Variants in HSPA9 observed in about 807,000 individuals in gnomAD.
HSPA9 encodes heat shock protein family A (Hsp70) member 9.
Under a neutral mutation model 81.5 loss-of-function variants are expected in HSPA9, and 28 were observed. That is an observed-to-expected ratio of 0.34 (90% CI 0.25 to 0.47). The LOEUF (loss-of-function observed/expected upper bound fraction) is 0.47, where lower values mean the gene tolerates loss of function less well. HSPA9 is among the 20% of genes least tolerant of loss of function. The pLI is 1.00. For missense variants in HSPA9, 678 were observed against 838.0 expected, an observed-to-expected ratio of 0.81 and a Z score of 2.36; for synonymous variants, 293 against 290.4, an observed-to-expected ratio of 1.01 and a Z score of -0.09.
rs1751019122 is a variant in HSPA9 at position 138,574,003 on chromosome 5, T to A, written c.140+65A>T. The A allele has an allele frequency of 8.8e-6, 12 of 1,359,498 alleles. No homozygotes were observed. In the South Asian group the frequency reaches 9.4e-5, roughly 11 times the overall value. 84.2% of individuals were successfully genotyped at this position (1,359,498 alleles called of 1,614,324 possible). On this transcript the variant is annotated intron_variant, in intron 2 of 16. Coordinates refer to ENST00000297185, the MANE Select transcript of HSPA9 (RefSeq NM_004134.7). ...AATTACAGAGAAGAATAATCACAAA[T>A]GTAGAAAACACTGCTTTGAAGTTTA...
chr5:138,564,770 A>G (rs773058637), intron 9 of HSPA9, among the ~76,000 whole-genome samples: 14 of 152,212 alleles, frequency 9.2e-5, no homozygotes, highest in Non-Finnish European at 1.8e-4. Flanking sequence ...TAAGCATGTA[A>G]TATTTATGAA....
chr5:138,555,016 A>T lies in HSPA9; in HGVS notation c.*1021T>A, dbSNP rs1326787944. The T allele has an allele frequency of 6.6e-6, 1 of 152,228 alleles. No individual in the cohort carries two copies. The highest frequency in any genetic ancestry group is 1.5e-5 in the Non-Finnish European group (1 of 68,044). 9.4% of individuals were successfully genotyped at this position (152,228 alleles called of 1,614,324 possible). Reference sequence around the variant, plus strand: ...TTGGAGCTGAAAGCAACCTGAAAATAGCCACCTTGGTTTTCATGTTAGAGA... The same window carrying T: ...TTGGAGCTGAAAGCAACCTGAAAATTGCCACCTTGGTTTTCATGTTAGAGA... On this transcript the variant is annotated 3_prime_UTR_variant, in exon 17 of 17. Coordinates refer to ENST00000297185, the MANE Select transcript of HSPA9 (RefSeq NM_004134.7).
At position 138,567,661 on chromosome 5, in the gene HSPA9, G is replaced by A. The variant is rs772786724; in HGVS notation, c.597C>T (p.Asp199=). 1 of 1,613,726 alleles carries A rather than the reference G, an allele frequency of 6.2e-7. No homozygotes were observed. The highest frequency in any genetic ancestry group is 1.1e-5 in the South Asian group (1 of 91,074). ...TAATTGACCTCACCTGTCTCTGCGA[G>A]TCATTGAAATAAGCTGGGACTGTGA... is the stretch of plus-strand genomic sequence containing the variant. ...AVITVPAYFN[D]SQRQATKDAG... is the part of the protein sequence containing the mutation. The change falls in exon 6 of 17, where the codon GAC becomes GAT. Residue 199 remains aspartate, a synonymous_variant. Transcript: ENST00000297185.
chr5:138,563,803 C>G (rs1294372430), intron 9 of HSPA9, among the ~76,000 whole-genome samples: 4 of 152,202 alleles, frequency 2.6e-5, no homozygotes, highest in Non-Finnish European at 5.9e-5. Context: ...AAACAAAACC[C>G]TCAGTATTTT....
chr5:138,572,086 AGCTG>A (rs1750916661), intron 3 of HSPA9, among the ~76,000 whole-genome samples: 1 of 149,482 alleles, frequency 6.7e-6, no homozygotes, highest in Admixed American at 6.9e-5. Context: ...CCTCCAGAGT[AGCTG>A]GGACTACAGG....
At chr5:138,559,732 ACTGTTTAATATT>A in intron 11 of HSPA9, 120 bp downstream of exon 11, 1 of 711,872 alleles carries the variant, frequency 1.4e-6, no homozygotes, top group Non-Finnish European at 2.5e-6. Context: ...CCCACAGTTA[ACTGTTTAATATT>A]CTAAACTGTA....
At position 138,575,356 on chromosome 5, in the gene HSPA9, G is replaced by T. The variant is rs752500938; in HGVS notation, c.-38C>A. 23 of 1,535,502 alleles carry T rather than the reference G, an allele frequency of 1.5e-5. No homozygotes were observed. The Middle Eastern group carries it at 6.8e-4, about 45-fold the overall frequency. ...GAGGAGTACGAGGCAGCAAACAAGCGCTCCGACGGCAAAGAGCTGCGCGAT... is the reference window on the plus strand; with the variant it reads ...GAGGAGTACGAGGCAGCAAACAAGCTCTCCGACGGCAAAGAGCTGCGCGAT... On this transcript the variant is annotated 5_prime_UTR_variant, in exon 1 of 17. Coordinates refer to ENST00000297185, the MANE Select transcript of HSPA9 (RefSeq NM_004134.7).
chr5:138,567,612 C>G, intron 6 of HSPA9, 37 bp downstream of exon 6: 12 of 1,610,198 alleles, frequency 7.5e-6, no homozygotes, highest in Non-Finnish European at 1.0e-5. Context: ...TCCCAGGCAC[C>G]TTACTTTTTG....
At position 138,575,343 on chromosome 5, in the gene HSPA9, GCAGCAAA is replaced by G; in HGVS notation, c.-32_-26del. The G allele has an allele frequency of 6.3e-7, 1 of 1,594,902 alleles. No individual in the cohort carries two copies. Among genetic ancestry groups the G allele is most frequent in the Non-Finnish European group, 8.6e-7 (1 of 1,164,956 alleles). ...TGGCGGATAAATGGAGGAGTACGAG[GCAGCAAA>G]CAAGCGCTCCGACGGCAAAGAGCTG... On this transcript the variant is annotated 5_prime_UTR_variant, in exon 1 of 17. Coordinates refer to ENST00000297185, the MANE Select transcript of HSPA9 (RefSeq NM_004134.7).
intron 14 of HSPA9, 157 bp downstream of exon 14, chr5:138,557,245 G>A (rs1750548675): frequency 1.0e-5 from 7 of 684,570 alleles, no homozygotes; most frequent in East Asian, 2.7e-5. Flanking sequence ...GACTGCAGGC[G>A]TGCACCACCA....
rs1561858140 is a variant in HSPA9 at position 138,561,586 on chromosome 5, C to G, written c.1176G>C (p.Met392Ile). Residue 392 changes from methionine to isoleucine, a missense_variant, in exon 10 of 17, where the codon ATG becomes ATC. Coordinates refer to ENST00000297185, the MANE Select transcript of HSPA9 (RefSeq NM_004134.7). ...GAATTCCACTGGTCCATACCTTGGG[C>G]ATCCTAGTCATGCCACCCACAAGAA... The part of the protein sequence containing the change: ...EVILVGGMTR[M>I]PKVQQTVQDL... 6.2e-7 allele frequency: 1 copy of G among 1,612,136 alleles called. No individual in the cohort carries two copies. Among genetic ancestry groups the G allele is most frequent in the East Asian group, 2.2e-5 (1 of 44,890 alleles).
At chr5:138,559,078 C>A in intron 11 of HSPA9, 2 of 199,792 alleles carry the variant, frequency 1.0e-5, no homozygotes, top group South Asian at 1.7e-4. Context: ...AAAAACATCA[C>A]AAGATTGGGT....
chr5:138,574,067 C>T lies in HSPA9; in HGVS notation c.140+1G>A. 6.2e-7 allele frequency: 1 copy of T among 1,607,414 alleles called. No individual in the cohort carries two copies. Among genetic ancestry groups the T allele is most frequent in the Non-Finnish European group, 8.5e-7 (1 of 1,174,016 alleles). On this transcript the variant is annotated splice_donor_variant, in intron 2 of 16. Transcript: ENST00000297185. LOFTEE classifies it high-confidence loss of function. ...CTCAAAGGAAATGATATTATACTTA[C>T]GCATAATCCCGCCTTGAAACAAGTC...
chr5:138,565,123 G>A (rs1750736510), intron 9 of HSPA9, among the ~76,000 whole-genome samples: 1 of 152,076 alleles, frequency 6.6e-6, no homozygotes, highest in African/African-American at 2.4e-5. Context: ...ATAAACACTG[G>A]AAAACAATCA....
At chr5:138,561,082 G>C (rs762192060) in intron 10 of HSPA9, 2 of 497,964 alleles carry the variant, frequency 4.0e-6, no homozygotes, top group African/African-American at 1.9e-5. Context: ...CTTTCAGAAT[G>C]ATGTGTTGAA....
chr5:138,556,151 C>T (rs143890160), intron 16 of HSPA9, 37 bp from the exon 17 acceptor site: 16 of 1,539,402 alleles, frequency 1.0e-5, no homozygotes, highest in East Asian at 6.7e-5. Context: ...TCAGATTTAA[C>T]GTTAGAGCTA....
chr5:138,570,961 T>C lies in HSPA9; in HGVS notation c.409A>G (p.Ile137Val). 6.2e-7 allele frequency: 1 copy of C among 1,614,134 alleles called. No homozygotes were observed. The highest frequency in any genetic ancestry group is 8.5e-7 in the Non-Finnish European group (1 of 1,179,976). The change falls in exon 4 of 17, where the codon ATT (isoleucine) becomes GTT (valine). Residue 137 changes from isoleucine to valine, a missense_variant and splice_region_variant. Physicochemically the swap from Ile to Val is conservative, Grantham distance 29. Coordinates refer to ENST00000297185, the MANE Select transcript of HSPA9 (RefSeq NM_004134.7). ...CAAAAAACTTTTGCTGTTACTCACA[T>C]GTCTTTCTGTACTTCAGGATCATCA... ...RYDDPEVQKDIKNVPFKIVRA... is the reference protein window; with the variant it reads ...RYDDPEVQKDVKNVPFKIVRA...
intron 12 of HSPA9, 39 bp downstream of exon 12, chr5:138,558,514 G>T: frequency 8.1e-7 from 1 of 1,239,678 alleles, no homozygotes; most frequent in Non-Finnish European, 1.2e-6. Flanking sequence ...TCACTTTACA[G>T]TGAAGGAGGC....
At chr5:138,558,473 T>C in intron 12 of HSPA9, 80 bp downstream of exon 12, 1 of 956,926 alleles carries the variant, frequency 1.0e-6, no homozygotes, top group Non-Finnish European at 1.7e-6. Flanking sequence ...CAGCAGTTTA[T>C]ACTAATATTT....
Sources: gnomAD v4.1 joint callset for allele counts (sites outside exome capture counted in the v4.1 genomes callset) on GRCh38, gnomAD v4.1.1 for gene constraint, MANE v1.5 for transcripts, NCBI Gene and HGNC (gene_info 2026-07-23, HGNC 2026-07-21) for gene names.